The following EPHA6 variants were observed in gnomAD, a reference collection of about 807,000 sequenced individuals.
EPHA6 encodes the protein ephrin type-A receptor 6.
EPHA6 carries 50 observed loss-of-function variants against 112.0 expected under a neutral mutation model. The observed-to-expected ratio is 0.45, with a 90% CI of 0.36 to 0.56. The LOEUF (loss-of-function observed/expected upper bound fraction) is 0.56, where lower values mean the gene tolerates loss of function less well. Among genes scored for constraint, EPHA6 ranks in the 20% least tolerant of loss-of-function variants. EPHA6 has a pLI of 0.00. For missense variants in EPHA6, 1,280 were observed against 1,417.4 expected, an observed-to-expected ratio of 0.90 and a Z score of 1.56; for synonymous variants, 529 against 490.7, an observed-to-expected ratio of 1.08 and a Z score of -1.03.
chr3:97,299,537 G>C (rs140711457), intron 5 of EPHA6, among the ~76,000 whole-genome samples: 2 of 152,024 alleles, frequency 1.3e-5, no homozygotes, highest in African/African-American at 4.8e-5. Flanking sequence ...TATTTGAGAG[G>C]AATAGATGAG....
chr3:97,410,694 G>T (rs1306879196), intron 6 of EPHA6, among the ~76,000 whole-genome samples: 1 of 152,036 alleles, frequency 6.6e-6, no homozygotes. Context: ...TTGATTGGGC[G>T]AATGAGTAGT....
chr3:97,421,050 C>T (rs1457332383), intron 6 of EPHA6, among the ~76,000 whole-genome samples: 4 of 151,952 alleles, frequency 2.6e-5, no homozygotes, highest in African/African-American at 9.7e-5. Flanking sequence ...TATGAGATAA[C>T]TTCTTTAACA....
chr3:96,986,583 AAC>A (rs2043030715), intron 2 of EPHA6, among the ~76,000 whole-genome samples: 1 of 152,096 alleles, frequency 6.6e-6, no homozygotes, highest in Non-Finnish European at 1.5e-5. Context: ...TTAAAATTAT[AAC>A]CCTCTTCTTA....
intron 7 of EPHA6, among the ~76,000 whole-genome samples, chr3:97,463,919 A>G (rs763423923): frequency 6.6e-6 from 1 of 152,172 alleles, no homozygotes; most frequent in Non-Finnish European, 1.5e-5. Context: ...ATAAACCATG[A>G]GCTAGGTTAA....
At chr3:97,396,460 T>C (rs2086699740) in intron 5 of EPHA6, among the ~76,000 whole-genome samples, 1 of 151,246 alleles carries the variant, frequency 6.6e-6, no homozygotes, top group South Asian at 2.1e-4. Flanking sequence ...ATTTGAATAA[T>C]AGTATTAGGA....
In EPHA6 at chr3:97,244,161, G is replaced by T. The variant is rs756759339; in HGVS notation, c.1480G>T (p.Val494Leu). 1 of 1,613,114 alleles carries T rather than the reference G, an allele frequency of 6.2e-7. No individual in the cohort carries two copies. The highest frequency in any genetic ancestry group is 8.5e-7 in the Non-Finnish European group (1 of 1,179,368). ...ACATACAGGCCTGATCAACAATTCCGTGATAGTACTTGACTTTGTGTCTCA... is the reference window on the plus strand; with the variant it reads ...ACATACAGGCCTGATCAACAATTCCTTGATAGTACTTGACTTTGTGTCTCA... ...PRHTGLINNS[V>L]IVLDFVSHVN... is the part of the protein sequence containing the mutation. The change falls in exon 5 of 18, where the codon GTG becomes TTG. Residue 494 changes from valine (V) to leucine (L), a missense_variant. Physicochemically the swap from Val to Leu is conservative, Grantham distance 32. Around this residue, in one of 4 missense-constraint regions of EPHA6, gnomAD observed 878 missense variants for 999.7 expected, o/e 0.88. Transcript: ENST00000389672.
At chr3:97,040,501 G>A (rs1212071495) in intron 3 of EPHA6, among the ~76,000 whole-genome samples, 1 of 151,906 alleles carries the variant, frequency 6.6e-6, no homozygotes, top group Non-Finnish European at 1.5e-5. Flanking sequence ...AATTTATCAT[G>A]GCCTTTGGTC....
intron 2 of EPHA6, among the ~76,000 whole-genome samples, chr3:96,953,152 T>C (rs141571419): frequency 0.01 from 1,541 of 152,348 alleles, 87 homozygotes; most frequent in Admixed American, 0.089. Context: ...TTTTCCATCC[T>C]GTATAGTATG....
chr3:97,382,603 C>T (rs1303597403), intron 5 of EPHA6, among the ~76,000 whole-genome samples: 1 of 152,130 alleles, frequency 6.6e-6, no homozygotes, highest in Non-Finnish European at 1.5e-5. Context: ...ATAACTAAAG[C>T]ATTTTTAACT....
chr3:97,192,127 T>A (rs1559788053), intron 3 of EPHA6, among the ~76,000 whole-genome samples: 1 of 151,956 alleles, frequency 6.6e-6, no homozygotes, highest in Non-Finnish European at 1.5e-5. Context: ...ACTCTATGGG[T>A]TTTTTTGTTT....
chr3:97,005,693 C>T (rs2043851771), intron 3 of EPHA6, among the ~76,000 whole-genome samples: 1 of 152,072 alleles, frequency 6.6e-6, no homozygotes, highest in African/African-American at 2.4e-5. Context: ...TTGTCTTGTG[C>T]CAGTTTTCAA....
rs188478780 is a variant in EPHA6, at chr3:97,367,573, T to A, written c.1607-37577T>A. On this transcript the variant is annotated intron_variant, in intron 5 of 17. Coordinates refer to ENST00000389672, the MANE Select transcript of EPHA6 (RefSeq NM_001080448.3). Reference sequence around the variant, plus strand: ...TGTGTTGGGGGGTTGTTTTTATTTATTTTTTTTTTGTAGTTTTCTGTTTCT... The same window carrying A: ...TGTGTTGGGGGGTTGTTTTTATTTAATTTTTTTTTGTAGTTTTCTGTTTCT... 0.011 allele frequency among the ~76,000 whole-genome samples: 1,521 copies of A among 144,162 alleles called. 84 individuals are homozygous for A. In the East Asian group the frequency reaches 0.19, roughly 18 times the overall value. The allele number at this position is 144,162 out of a possible 152,430, so 94.6% of individuals were successfully genotyped here.
intron 7 of EPHA6, among the ~76,000 whole-genome samples, chr3:97,474,333 A>C (rs2107457092): frequency 6.6e-6 from 1 of 151,792 alleles, no homozygotes. Context: ...AGTAGTCAAA[A>C]TAAAAAACAA....
chr3:97,447,084 A>G (rs1313797256), intron 6 of EPHA6, among the ~76,000 whole-genome samples: 1 of 152,144 alleles, frequency 6.6e-6, no homozygotes, highest in Non-Finnish European at 1.5e-5. Context: ...GGCAAATTCA[A>G]TTCTTTAGCT....
chr3:97,336,677 T>G (rs1173481442), intron 5 of EPHA6, among the ~76,000 whole-genome samples: 1 of 152,156 alleles, frequency 6.6e-6, no homozygotes, highest in East Asian at 1.9e-4. Context: ...AAGTTTTATT[T>G]TCATTCTTAG....
intron 7 of EPHA6, among the ~76,000 whole-genome samples, chr3:97,468,098 G>C (rs1234828268): frequency 6.7e-6 from 1 of 149,872 alleles, no homozygotes; most frequent in Non-Finnish European, 1.5e-5. Flanking sequence ...CTGGAGAAGT[G>C]GCAGAGGAGT....
At chr3:96,873,961 A>G (rs2036792666) in intron 2 of EPHA6, among the ~76,000 whole-genome samples, 1 of 152,112 alleles carries the variant, frequency 6.6e-6, no homozygotes, top group Non-Finnish European at 1.5e-5. Context: ...TATATGAAAA[A>G]ACTGGACCTG....
At chr3:97,643,270 C>G (rs1576179616) in intron 14 of EPHA6, among the ~76,000 whole-genome samples, 1 of 150,250 alleles carries the variant, frequency 6.7e-6, no homozygotes, top group Non-Finnish European at 1.5e-5. Flanking sequence ...CAGGCCTGCC[C>G]TAAAAGAGCT....
chr3:97,409,468 C>G (rs925857148), intron 6 of EPHA6, among the ~76,000 whole-genome samples: 3 of 151,984 alleles, frequency 2.0e-5, no homozygotes, highest in Admixed American at 1.3e-4. Flanking sequence ...GTATCTTTAC[C>G]AAAATCACAC....
Sources: allele counts gnomAD v4.1 joint callset (sites outside exome capture counted in the v4.1 genomes callset), GRCh38; gene constraint gnomAD v4.1.1; regional missense constraint gnomAD v4.1.1; transcripts MANE v1.5; gene names NCBI Gene and HGNC (gene_info 2026-07-23, HGNC 2026-07-21).